MYH10: variants seen among roughly 807,000 people sequenced by gnomAD.
The protein encoded by MYH10 is myosin-10.
In MYH10, 55 loss-of-function variants were observed where a neutral mutation model predicts 257.8. The observed-to-expected ratio is 0.21, with a 90% confidence interval of 0.17 to 0.27. The LOEUF is 0.27. MYH10 is among the 10% of genes least tolerant of loss of function. The probability of loss-of-function intolerance (pLI) is 1.00; values close to 1 mark genes in which losing one functional copy is unlikely to be tolerated. For synonymous variants in MYH10, 854 were observed against 921.7 expected (o/e 0.93, Z 1.33); for missense variants, 1,631 against 2,500.6 (o/e 0.65, Z 7.42).
chr17:8,592,816 GAAAAAAAAAAA>G (rs67151329), intron 3 of MYH10, among the ~76,000 whole-genome samples: 10 of 30,424 alleles, frequency 3.3e-4, no homozygotes, highest in African/African-American at 9.3e-4. Context: ...AATGAAATCA[GAAAAAAAAAAA>G]AAAAAAAAAA....
At chr17:8,577,463 A>C (rs1339167640) in intron 4 of MYH10, 125 bp from the exon 5 acceptor site, 4 of 509,628 alleles carry the variant, frequency 7.8e-6, no homozygotes, top group African/African-American at 7.6e-5. Flanking sequence ...ATAAATAGAA[A>C]AAATAACTAT....
At chr17:8,480,670 C>T in intron 38 of MYH10, 145 bp from the exon 39 acceptor site, 1 of 1,057,224 alleles carries the variant, frequency 9.5e-7, no homozygotes, top group African/African-American at 1.6e-5. Flanking sequence ...ATCCCCAAAT[C>T]CATCAGTAGG....
intron 3 of MYH10, among the ~76,000 whole-genome samples, chr17:8,598,306 T>C (rs1050369376): frequency 2.0e-5 from 3 of 152,256 alleles, no homozygotes; most frequent in South Asian, 2.1e-4. Context: ...TGGTGTTCTA[T>C]ATACTCTTTG....
chr17:8,496,631 T>C (rs1366941267), intron 30 of MYH10, among the ~76,000 whole-genome samples: 1 of 152,212 alleles, frequency 6.6e-6, no homozygotes, highest in Non-Finnish European at 1.5e-5. Flanking sequence ...GAGTTCATAA[T>C]GCTGTTTCAG....
chr17:8,500,751 A>C lies in MYH10; in HGVS notation c.3744+75T>G, dbSNP rs1352530870. 7 of 1,536,976 alleles carry C rather than the reference A, an allele frequency of 4.6e-6. No individual in the cohort carries two copies. The East Asian group carries it at 1.4e-4, about 30-fold the overall frequency. On this transcript the variant is annotated intron_variant, in intron 29 of 42. Coordinates refer to ENST00000360416, the MANE Select transcript of MYH10 (RefSeq NM_001256012.3). The stretch of plus-strand genomic sequence containing the variant: ...CCTAATCAATACATGACTGAACAGA[A>C]CGGGCAGATAGGATGGGAGTGGCTC...
intron 14 of MYH10, among the ~76,000 whole-genome samples, chr17:8,540,455 A>G (rs549665322): frequency 1.1e-4 from 16 of 152,250 alleles, no homozygotes; most frequent in Admixed American, 1.3e-4. Flanking sequence ...GGATAAAGCA[A>G]AAGAAATGCA....
At position 8,569,878 on chromosome 17, in the gene MYH10, C is replaced by A. The variant is rs2083282125; in HGVS notation, c.664-66G>T. On this transcript the variant is annotated intron_variant, in intron 6 of 42. Transcript: ENST00000360416. This position sits in a 1 kb window ranked among gnomAD's most constrained non-coding sequence, Gnocchi z 4.1. ...GTTAATCTAATGTCTTTACTCAAGT[C>A]ATCAGGGGAAAAATTTCTAAAAAAG... The A allele has an allele frequency of 1.7e-6, 2 of 1,206,862 alleles. No homozygotes were observed. Among genetic ancestry groups the A allele is most frequent in the African/African-American group, 3.1e-5 (2 of 64,324 alleles). The allele number at this position is 1,206,862 out of a possible 1,614,324, so 74.8% of individuals were successfully genotyped here. A position where few individuals can be genotyped will look rare whatever the true frequency, so the allele number is the denominator to read the frequency against.
chr17:8,526,104 C>T (rs541593817), intron 17 of MYH10, among the ~76,000 whole-genome samples: 205 of 152,264 alleles, frequency 1.3e-3, no homozygotes, highest in African/African-American at 4.7e-3. Flanking sequence ...TTTAATTCAA[C>T]ATTTTAAACT....
chr17:8,478,380 C>T lies in MYH10; in HGVS notation c.5664G>A (p.Gln1888=). ...TEKKLKEIFM[Q]VEDERRHADQ... is the part of the protein sequence containing the mutation. ...CCGCGTGTCGACGCTCATCCTCAAC[C>T]TGCATGAAGATTTCTTTCAGCTTCT... The change falls in exon 41 of 43, where the codon CAG becomes CAA. Residue 1888 remains glutamine (Q), a synonymous_variant. Transcript: ENST00000360416. 1.2e-6 allele frequency: 2 copies of T among 1,614,266 alleles called. No homozygotes were observed. Among genetic ancestry groups the T allele is most frequent in the South Asian group, 1.1e-5 (1 of 91,080 alleles).
At chr17:8,492,234 T>TG in intron 34 of MYH10, 63 bp downstream of exon 34, 1 of 1,522,368 alleles carries the variant, frequency 6.6e-7, no homozygotes, top group Middle Eastern at 2.0e-4. Flanking sequence ...CGCTCCTGTG[T>TG]GAAGGCCCAG....
chr17:8,569,631 A>G lies in MYH10; in HGVS notation c.756+89T>C, dbSNP rs2083275668. ...TACATCTATTAGCTTCTTAAAATCT[A>G]GGAAGAAAAGTAATTCATTTGCTTA... On this transcript the variant is annotated intron_variant, in intron 7 of 42. Transcript: ENST00000360416. This position sits in a 1 kb window ranked among gnomAD's most constrained non-coding sequence, Gnocchi z 4.1. 5 of 906,136 alleles carry G rather than the reference A, an allele frequency of 5.5e-6. No homozygotes were observed. The East Asian group carries it at 1.4e-4, about 25-fold the overall frequency. 56.1% of individuals were successfully genotyped at this position (906,136 alleles called of 1,614,324 possible). A position where few individuals can be genotyped will look rare whatever the true frequency, so the allele number is the denominator to read the frequency against.
At position 8,478,350 on chromosome 17, in the gene MYH10, C is replaced by T. The variant is rs762670904; in HGVS notation, c.5694G>A (p.Gln1898=). ...QVEDERRHAD[Q]YKEQMEKANA... is the part of the protein sequence containing the mutation. The stretch of plus-strand genomic sequence containing the variant: ...CTTCCTCGCGTACCTGCTCTTTATA[C>T]TGGTCCGCGTGTCGACGCTCATCCT... The change falls in exon 41 of 43, where the codon CAG becomes CAA. Residue 1898 remains glutamine (Q), a synonymous_variant. Transcript: ENST00000360416. 6.2e-7 allele frequency: 1 copy of T among 1,614,192 alleles called. No homozygotes were observed. The highest frequency in any genetic ancestry group is 1.1e-5 in the South Asian group (1 of 91,078).
intron 13 of MYH10, among the ~76,000 whole-genome samples, chr17:8,543,353 C>T (rs189415427): frequency 1.6e-4 from 25 of 152,212 alleles, no homozygotes; most frequent in Admixed American, 9.8e-4. Flanking sequence ...ATTTCTGGCA[C>T]GCATGACAAG....
intron 2 of MYH10, among the ~76,000 whole-genome samples, chr17:8,620,947 A>G (rs1412943878): frequency 1.3e-5 from 2 of 152,258 alleles, no homozygotes; most frequent in Non-Finnish European, 1.5e-5. Context: ...TAAGTTGGAA[A>G]AAAATCCAAC....
At position 8,484,376 on chromosome 17, in the gene MYH10, C is replaced by G. The variant is rs2151790723; in HGVS notation, c.5047-110G>C. ...GTGTTGCCCAGGCTGATCTCAAACT[C>G]AAGGCCTCAAGCATTGCTCCTGATT... On this transcript the variant is annotated intron_variant, in intron 36 of 42. Coordinates refer to ENST00000360416, the MANE Select transcript of MYH10 (RefSeq NM_001256012.3). 3 of 1,015,326 alleles carry G rather than the reference C, an allele frequency of 3.0e-6. No homozygotes were observed. In the South Asian group the frequency reaches 5.5e-5, roughly 19 times the overall value. The allele number at this position is 1,015,326 out of a possible 1,614,324, so 62.9% of individuals were successfully genotyped here. A position where few individuals can be genotyped will look rare whatever the true frequency, so the allele number is the denominator to read the frequency against.
At chr17:8,523,549 G>A (rs1045931019) in intron 17 of MYH10, among the ~76,000 whole-genome samples, 2 of 152,198 alleles carry the variant, frequency 1.3e-5, no homozygotes, top group African/African-American at 4.8e-5. Flanking sequence ...CCAGGGGCAG[G>A]AAGAAGCGAA....
intron 36 of MYH10, among the ~76,000 whole-genome samples, chr17:8,486,528 CTTTATA>C (rs1914809516): frequency 2.2e-5 from 2 of 92,944 alleles, no homozygotes; most frequent in Non-Finnish European, 4.3e-5. Context: ...AAAAAAAAAT[CTTTATA>C]TTTAGCTTCA....
chr17:8,617,322 T>C (rs1307725539), intron 2 of MYH10, among the ~76,000 whole-genome samples: 2 of 152,158 alleles, frequency 1.3e-5, no homozygotes, highest in Non-Finnish European at 2.9e-5. Context: ...GCCCTCTCCA[T>C]ATAGGTACCT....
chr17:8,519,750 C>T (rs1171386665), intron 19 of MYH10, among the ~76,000 whole-genome samples: 3 of 151,972 alleles, frequency 2.0e-5, no homozygotes, highest in African/African-American at 7.3e-5. Flanking sequence ...ATTCTTTGAC[C>T]TGGCAGCACC....
Sources: gnomAD v4.1 joint callset for allele counts (sites outside exome capture counted in the v4.1 genomes callset) on GRCh38, gnomAD v4.1.1 for gene constraint, Gnocchi (gnomAD v3.1) non-coding constraint, MANE v1.5 for transcripts, NCBI Gene and HGNC (gene_info 2026-07-23, HGNC 2026-07-21) for gene names.